TLCD4: variants seen among roughly 807,000 people sequenced by gnomAD.
TLCD4 encodes the protein TLC domain containing 4, also known as TLC domain-containing protein 4.
TLCD4 carries 7 observed loss-of-function variants against 24.2 expected under a neutral mutation model. That is an observed-to-expected ratio of 0.29 (90% CI 0.16 to 0.54). The LOEUF (loss-of-function observed/expected upper bound fraction) is 0.54, where lower values mean the gene tolerates loss of function less well. TLCD4 is among the 20% of genes least tolerant of loss of function. The probability of loss-of-function intolerance (pLI) is 0.95; values close to 1 mark genes in which losing one functional copy is unlikely to be tolerated. For missense variants in TLCD4, 259 were observed against 313.9 expected, an observed-to-expected ratio of 0.82 and a Z score of 1.32; for synonymous variants, 103 against 106.4, an observed-to-expected ratio of 0.97 and a Z score of 0.20.
chr1:95,184,019 GT>G (rs1678743288), intron 6 of TLCD4, among the ~76,000 whole-genome samples: 1 of 151,892 alleles, frequency 6.6e-6, no homozygotes, highest in African/African-American at 2.4e-5. Flanking sequence ...CAGGGTTAAT[GT>G]TTATTAAATA....
At chr1:95,174,936 T>G (rs1231087213) in intron 6 of TLCD4, among the ~76,000 whole-genome samples, 1 of 152,052 alleles carries the variant, frequency 6.6e-6, no homozygotes, top group Non-Finnish European at 1.5e-5. Context: ...CCACCATGCC[T>G]GGCTAATTTT....
rs1044205018 is a variant in TLCD4 at position 95,191,607 on chromosome 1, A to C, written c.531A>C (p.Gly177=). ...PKFSKAIVIN[G]ILMTVVFFIV... ...TTTCTAAAGCTATCGTTATCAATGGAATACTCATGACAGTAGTATTCTTCA... is the reference window on the plus strand; with the variant it reads ...TTTCTAAAGCTATCGTTATCAATGGCATACTCATGACAGTAGTATTCTTCA... Residue 177 remains glycine, a synonymous_variant, in exon 7 of 7, where the codon GGA becomes GGC. Transcript: ENST00000370203. The C allele has an allele frequency of 1.9e-6, 3 of 1,614,098 alleles. No homozygotes were observed. Among genetic ancestry groups the C allele is most frequent in the African/African-American group, 2.7e-5 (2 of 75,046 alleles).
At chr1:95,123,764 CAT>C (rs3075908) in intron 1 of TLCD4, among the ~76,000 whole-genome samples, 3,066 of 152,242 alleles carry the variant, frequency 0.02, 101 homozygotes, top group African/African-American at 0.069. Flanking sequence ...ATGTCAATAA[CAT>C]GTGATAGTAT....
In TLCD4 at chr1:95,196,529, T is replaced by A. The variant is rs1295635394; in HGVS notation, c.*4661T>A. The A allele has an allele frequency of 2.6e-5, 4 of 152,216 alleles. No individual in the cohort carries two copies. The East Asian group carries it at 7.7e-4, about 29-fold the overall frequency. 9.4% of individuals were successfully genotyped at this position (152,216 alleles called of 1,614,324 possible). On this transcript the variant is annotated 3_prime_UTR_variant, in exon 7 of 7. Coordinates refer to ENST00000370203, the MANE Select transcript of TLCD4 (RefSeq NM_152487.3). Reference sequence around the variant, plus strand: ...AATAATTCATACCTTTATTGGAATATATTTTGGATAGCAGTGAAGAATTGA... The same window carrying A: ...AATAATTCATACCTTTATTGGAATAAATTTTGGATAGCAGTGAAGAATTGA...
At chr1:95,143,386 T>C (rs1000583765) in intron 1 of TLCD4, among the ~76,000 whole-genome samples, 2 of 152,204 alleles carry the variant, frequency 1.3e-5, no homozygotes, top group African/African-American at 4.8e-5. Context: ...TTGTTTGTCC[T>C]GCTCCAAAAT....
intron 6 of TLCD4, among the ~76,000 whole-genome samples, chr1:95,177,945 T>G (rs1162448095): frequency 3.1e-5 from 4 of 128,440 alleles, no homozygotes; most frequent in Non-Finnish European, 5.2e-5. Flanking sequence ...CTTTTTTTTT[T>G]TTTTTGTTTT....
At chr1:95,140,977 G>T (rs1258342881) in intron 1 of TLCD4, among the ~76,000 whole-genome samples, 2 of 152,218 alleles carry the variant, frequency 1.3e-5, no homozygotes, top group Admixed American at 6.5e-5. Context: ...GATTTGGCAT[G>T]ACTGATTAAG....
At chr1:95,174,322 A>G (rs1678340325) in intron 6 of TLCD4, 1 of 157,152 alleles carries the variant, frequency 6.4e-6, no homozygotes, top group Non-Finnish European at 1.4e-5. Flanking sequence ...TCTTATATTG[A>G]CATTATCTTA....
chr1:95,162,991 C>T (rs1677877597), intron 5 of TLCD4, among the ~76,000 whole-genome samples: 1 of 151,766 alleles, frequency 6.6e-6, no homozygotes, highest in Non-Finnish European at 1.5e-5. Flanking sequence ...TGGAGTTGCT[C>T]TTCTCGAGGA....
chr1:95,117,447 G>T lies in TLCD4; in HGVS notation c.-182G>T, dbSNP rs1035970427. 2.0e-5 allele frequency: 3 copies of T among 152,248 alleles called. No individual in the cohort carries two copies. Among genetic ancestry groups the T allele is most frequent in the Admixed American group, 6.5e-5 (1 of 15,278 alleles). 9.4% of individuals were successfully genotyped at this position (152,248 alleles called of 1,614,324 possible). On this transcript the variant is annotated 5_prime_UTR_variant, in exon 1 of 7. Coordinates refer to ENST00000370203, the MANE Select transcript of TLCD4 (RefSeq NM_152487.3). The stretch of plus-strand genomic sequence containing the variant: ...AGCCTCCGCGACTGCACCTCCAAGC[G>T]GCCCGGAACCCGCGGCTTCCCTGGC...
At chr1:95,106,710 AAAC>A in the TLCD4 span, among the ~76,000 whole-genome samples, 5 of 152,226 alleles carry the variant, frequency 3.3e-5, no homozygotes, top group African/African-American at 9.6e-5. Flanking sequence ...CAAACAGACA[AAAC>A]AACAACAACA....
chr1:95,193,328 G>A lies in TLCD4; in HGVS notation c.*1460G>A, dbSNP rs2101032108. The stretch of plus-strand genomic sequence containing the variant: ...ATGACTGGCGACTCTGGTTGTGTGT[G>A]TATGTGTTTTGCTTTTACTTTAATT... On this transcript the variant is annotated 3_prime_UTR_variant, in exon 7 of 7. Coordinates refer to ENST00000370203, the MANE Select transcript of TLCD4 (RefSeq NM_152487.3). 6.6e-6 allele frequency: 1 copy of A among 152,176 alleles called. No individual in the cohort carries two copies. Among genetic ancestry groups the A allele is most frequent in the East Asian group, 1.9e-4 (1 of 5,188 alleles). 9.4% of individuals were successfully genotyped at this position (152,176 alleles called of 1,614,324 possible). A position where few individuals can be genotyped will look rare whatever the true frequency, so the allele number is the denominator to read the frequency against.
the TLCD4 span, among the ~76,000 whole-genome samples, chr1:95,103,033 C>T: frequency 6.6e-6 from 1 of 151,842 alleles, no homozygotes. Context: ...GGCTGGAGTG[C>T]AATGGCACGA....
the TLCD4 span, among the ~76,000 whole-genome samples, chr1:95,107,284 G>C: frequency 6.6e-6 from 1 of 152,122 alleles, no homozygotes; most frequent in African/African-American, 2.4e-5. Flanking sequence ...TTAGCCGGGC[G>C]TGGTGGTGGG....
At chr1:95,101,529 T>C in the TLCD4 span, among the ~76,000 whole-genome samples, 1 of 151,600 alleles carries the variant, frequency 6.6e-6, no homozygotes, top group South Asian at 2.1e-4. Context: ...CACCTGAGCC[T>C]CCCAAGGTGT....
At chr1:95,117,145 G>A (rs1676446311), upstream of TLCD4, among the ~76,000 whole-genome samples, 1 of 152,214 alleles carries the variant, frequency 6.6e-6, no homozygotes, top group Non-Finnish European at 1.5e-5. Flanking sequence ...TGGAAAACCC[G>A]GGAATTGCAC....
chr1:95,191,080 T>A (rs1403396933), intron 6 of TLCD4, among the ~76,000 whole-genome samples: 1 of 152,202 alleles, frequency 6.6e-6, no homozygotes, highest in East Asian at 1.9e-4. Flanking sequence ...TCCTTTTTTC[T>A]TATGGAAGTT....
In TLCD4 at chr1:95,139,758, C is replaced by G. The variant is rs1677148341; in HGVS notation, c.-11-4133C>G. On this transcript the variant is annotated intron_variant, in intron 1 of 6. Transcript: ENST00000370203. ...TACAGGCGTGAGCCACTGCACCCAG[C>G]CTTTGATTCTTTTTAATAACACTTA... 3.3e-5 allele frequency among the ~76,000 whole-genome samples: 5 copies of G among 152,090 alleles called. No individual in the cohort carries two copies. In the South Asian group the frequency reaches 1.0e-3, roughly 31 times the overall value.
intron 5 of TLCD4, among the ~76,000 whole-genome samples, chr1:95,167,660 G>A (rs953302959): frequency 6.6e-6 from 1 of 152,114 alleles, no homozygotes; most frequent in Non-Finnish European, 1.5e-5. Flanking sequence ...AAGGCTCCTG[G>A]CTCTGGAATG....
Sources: gnomAD v4.1 joint callset for allele counts (sites outside exome capture counted in the v4.1 genomes callset) on GRCh38, gnomAD v4.1.1 for gene constraint, MANE v1.5 for transcripts, NCBI Gene and HGNC (gene_info 2026-07-23, HGNC 2026-07-21) for gene names.